SASH1: variants seen among roughly 807,000 people sequenced by gnomAD.
SASH1 encodes SAM and SH3 domain containing 1, also known as SAM and SH3 domain-containing protein 1.
SASH1 carries 44 observed loss-of-function variants against 125.2 expected under a neutral mutation model. That is an observed-to-expected ratio of 0.35 (90% CI 0.28 to 0.45). SASH1 has a LOEUF of 0.45. Among genes scored for constraint, SASH1 ranks in the 20% least tolerant of loss-of-function variants. The pLI is 1.00. For missense variants in SASH1, 1,426 were observed against 1,614.5 expected (o/e 0.88, Z 2.00); for synonymous variants, 639 against 649.1 (o/e 0.98, Z 0.24).
intron 7 of SASH1, among the ~76,000 whole-genome samples, chr6:148,487,336 AG>A (rs1233887219): frequency 2.0e-5 from 3 of 152,014 alleles, no homozygotes; most frequent in African/African-American, 7.2e-5. Context: ...TCTGGAACAC[AG>A]GATACAAAGA....
chr6:148,245,995 A>G, the SASH1 span, among the ~76,000 whole-genome samples: 1 of 151,990 alleles, frequency 6.6e-6, no homozygotes. Context: ...AAAACAAAAA[A>G]AAAAGAAAAA....
intron 1 of SASH1, among the ~76,000 whole-genome samples, chr6:148,360,059 ATT>A (rs59472558): frequency 6.6e-6 from 1 of 151,762 alleles, no homozygotes. Flanking sequence ...ACCCAGCTGA[ATT>A]TTTTTTTTCT....
chr6:148,314,769 CTT>C lies in SASH1; in HGVS notation n.74+42409_74+42410del, dbSNP rs34187478. 2.9e-3 allele frequency among the ~76,000 whole-genome samples: 381 copies of C among 132,716 alleles called. 3 individuals carry two copies. Among genetic ancestry groups the C allele is most frequent in the Non-Finnish European group, 2.1e-3 (128 of 62,374 alleles). 87.1% of individuals were successfully genotyped at this position (132,716 alleles called of 152,430 possible). A position where few individuals can be genotyped will look rare whatever the true frequency, so the allele number is the denominator to read the frequency against. ...TATTAATGAAAAATGGTATAAATGA[CTT>C]TTTTTTTTTTTTTTTTGAGACGGAG... On this transcript the variant is annotated intron_variant and non_coding_transcript_variant, in intron 1 of 3. Coordinates refer to the SASH1 transcript ENST00000367469.
chr6:148,531,925 CA>C (rs1245612165), intron 13 of SASH1, among the ~76,000 whole-genome samples: 8 of 151,858 alleles, frequency 5.3e-5, no homozygotes, highest in African/African-American at 1.9e-4. Context: ...ATCTAGAGAG[CA>C]GGGGGAATAA....
intron 8 of SASH1, among the ~76,000 whole-genome samples, chr6:148,505,345 G>T (rs1163091559): frequency 6.6e-6 from 1 of 152,220 alleles, no homozygotes; most frequent in Non-Finnish European, 1.5e-5. Context: ...ATGGAGTCTT[G>T]CTCTGTCACC....
chr6:148,231,347 A>G, the SASH1 span, among the ~76,000 whole-genome samples: 711 of 152,276 alleles, frequency 4.7e-3, 2 homozygotes, highest in African/African-American at 0.016. Flanking sequence ...GTCTCCTCTT[A>G]TGCCAGTTCC....
chr6:148,451,755 G>A (rs1044301384), intron 4 of SASH1, among the ~76,000 whole-genome samples: 15 of 152,212 alleles, frequency 9.9e-5, no homozygotes, highest in African/African-American at 2.9e-4. Context: ...TTATCAGTCC[G>A]CCTTTGGAAG....
rs1235262479 is a variant in SASH1, at chr6:148,544,033, A to C, written c.2563A>C (p.Thr855Pro). The C allele has an allele frequency of 6.2e-7, 1 of 1,613,922 alleles. No homozygotes were observed. The highest frequency in any genetic ancestry group is 8.5e-7 in the Non-Finnish European group (1 of 1,180,008). Residue 855 changes from threonine (T) to proline (P), a missense_variant, in exon 18 of 20, where the codon ACC becomes CCC. Around this residue, in one of 3 missense-constraint regions of SASH1, gnomAD observed 634 missense variants for 694.4 expected, o/e 0.91. Transcript: ENST00000367467. This position sits in a 1 kb window ranked among gnomAD's most constrained non-coding sequence, Gnocchi z 6.4. ...VEPGAEQDVPTEVTEPPPQIV... is the reference protein window; with the variant it reads ...VEPGAEQDVPPEVTEPPPQIV... ...GCCTGGTGCTGAGCAAGACGTGCCT[A>C]CCGAGGTGACAGAACCGCCCCCTCA...
chr6:148,416,874 C>A (rs1784841224), intron 2 of SASH1, among the ~76,000 whole-genome samples: 1 of 152,166 alleles, frequency 6.6e-6, no homozygotes, highest in African/African-American at 2.4e-5. Context: ...TTAGACCCAG[C>A]CATTGAGGGA....
intron 4 of SASH1, among the ~76,000 whole-genome samples, chr6:148,450,691 CT>C (rs10594605): frequency 0.12 from 17,670 of 144,896 alleles, 1,142 homozygotes; most frequent in East Asian, 0.28. Context: ...TATATGTTAT[CT>C]TTTTTTTTTT....
intron 1 of SASH1, among the ~76,000 whole-genome samples, chr6:148,387,837 C>T (rs1358786788): frequency 6.6e-6 from 1 of 150,442 alleles, no homozygotes; most frequent in East Asian, 1.9e-4. Context: ...CTCCCAGGCT[C>T]AGGTGATTCT....
At chr6:148,475,505 C>G (rs1778298864) in intron 7 of SASH1, among the ~76,000 whole-genome samples, 2 of 152,198 alleles carry the variant, frequency 1.3e-5, no homozygotes, top group Non-Finnish European at 2.9e-5. Flanking sequence ...AGGGGGCAAA[C>G]TTGCCCTTTG....
intron 2 of SASH1, among the ~76,000 whole-genome samples, chr6:148,416,092 AG>A (rs1784805079): frequency 6.6e-6 from 1 of 152,238 alleles, no homozygotes; most frequent in Admixed American, 6.5e-5. Context: ...AGCAGGTTAC[AG>A]GCATCACAGA....
chr6:148,253,892 T>C, the SASH1 span, among the ~76,000 whole-genome samples: 1 of 150,922 alleles, frequency 6.6e-6, no homozygotes, highest in Non-Finnish European at 1.5e-5. Context: ...AATAAATACA[T>C]TTAATAAATA....
chr6:148,319,225 G>A (rs1019152099), intron 1 of SASH1, among the ~76,000 whole-genome samples: 2 of 151,018 alleles, frequency 1.3e-5, no homozygotes, highest in Admixed American at 6.6e-5. Context: ...TAGTGGAGAC[G>A]GGGTTTCACC....
chr6:148,465,380 C>T (rs1023975891), intron 4 of SASH1, among the ~76,000 whole-genome samples: 1 of 151,784 alleles, frequency 6.6e-6, no homozygotes, highest in Non-Finnish European at 1.5e-5. Context: ...GGTGAAACCC[C>T]GTGTCTACTA....
chr6:148,412,090 G>A (rs1363401137), intron 2 of SASH1, among the ~76,000 whole-genome samples: 6 of 152,158 alleles, frequency 3.9e-5, no homozygotes, highest in Non-Finnish European at 2.9e-5. Flanking sequence ...GTAACTTGTA[G>A]TTGAGATGTT....
intron 1 of SASH1, among the ~76,000 whole-genome samples, chr6:148,326,923 A>C (rs762590171): frequency 6.6e-6 from 1 of 152,058 alleles, no homozygotes; most frequent in Non-Finnish European, 1.5e-5. Context: ...CCTGCCCTCC[A>C]CACTAGGACT....
chr6:148,326,386 T>TATATATATACA (rs1780826472), intron 1 of SASH1, among the ~76,000 whole-genome samples: 4 of 63,196 alleles, frequency 6.3e-5, no homozygotes, highest in South Asian at 7.6e-4. Context: ...ATTCTTTTCT[T>TATATATATACA]TTCTTTTCTT....
Sources: gnomAD v4.1 joint callset for allele counts (sites outside exome capture counted in the v4.1 genomes callset) on GRCh38, gnomAD v4.1.1 for gene constraint, gnomAD v4.1.1 regional missense constraint, Gnocchi (gnomAD v3.1) non-coding constraint, MANE v1.5 for transcripts, NCBI Gene and HGNC (gene_info 2026-07-23, HGNC 2026-07-21) for gene names.